Variants in XIRP2 observed in about 807,000 individuals in gnomAD.
XIRP2 encodes xin actin-binding repeat-containing protein 2.
Under a neutral mutation model 277.0 loss-of-function variants are expected in XIRP2, and 236 were observed. The observed-to-expected ratio is 0.85, with a 90% confidence interval of 0.77 to 0.95. The LOEUF is 0.95. XIRP2 is among the 40% of genes least tolerant of loss of function. The probability of loss-of-function intolerance (pLI) is 0.00; values close to 1 mark genes in which losing one functional copy is unlikely to be tolerated. For missense variants in XIRP2, 4,640 were observed against 4,157.5 expected, an observed-to-expected ratio of 1.12 and a Z score of -3.19; for synonymous variants, 1,490 against 1,416.5, an observed-to-expected ratio of 1.05 and a Z score of -1.17.
intron 2 of XIRP2, among the ~76,000 whole-genome samples, chr2:167,094,547 T>C (rs2105278969): frequency 6.6e-6 from 1 of 152,350 alleles, no homozygotes; most frequent in Admixed American, 6.5e-5. Context: ...TAGCCAGTTT[T>C]CCCAACACCA....
At chr2:167,181,549 A>G (rs1048378348) in intron 3 of XIRP2, among the ~76,000 whole-genome samples, 3 of 151,958 alleles carry the variant, frequency 2.0e-5, no homozygotes, top group Non-Finnish European at 4.4e-5. Flanking sequence ...ATTTTAATTG[A>G]AGGTTGACAA....
chr2:167,077,988 G>A (rs1388693129), intron 2 of XIRP2, among the ~76,000 whole-genome samples: 4 of 152,214 alleles, frequency 2.6e-5, no homozygotes, highest in East Asian at 1.9e-4. Context: ...ATGAATTTTA[G>A]AATAGTTTGT....
At chr2:167,154,967 C>G (rs1255907990) in intron 3 of XIRP2, among the ~76,000 whole-genome samples, 1 of 151,698 alleles carries the variant, frequency 6.6e-6, no homozygotes, top group East Asian at 1.9e-4. Context: ...ACTACAAACA[C>G]CTCTACGCAA....
chr2:167,245,117 T>G lies in XIRP2; in HGVS notation c.3725T>G (p.Leu1242Arg). The change falls in exon 9 of 11, where the codon CTT (leucine) becomes CGT (arginine). Residue 1242 changes from leucine (L) to arginine (R), a missense_variant. Leu to Arg is a moderately radical substitution (Grantham distance 102, BLOSUM62 -2). Coordinates refer to ENST00000409195, the MANE Select transcript of XIRP2 (RefSeq NM_152381.6). The part of the protein sequence containing the change: ...QKGNVLNCRW[L>R]FENQPIDKIK... ...GGCAATGTTTTAAATTGTAGGTGGC[T>G]TTTTGAAAACCAACCAATTGATAAG... 1 of 1,610,516 alleles carries G rather than the reference T, an allele frequency of 6.2e-7. No individual in the cohort carries two copies. The highest frequency in any genetic ancestry group is 8.5e-7 in the Non-Finnish European group (1 of 1,179,014).
intron 2 of XIRP2, among the ~76,000 whole-genome samples, chr2:167,051,363 G>A (rs1688911046): frequency 6.6e-6 from 1 of 152,056 alleles, no homozygotes; most frequent in Admixed American, 6.6e-5. Flanking sequence ...TTTGCATTGT[G>A]CATGGTACAT....
chr2:167,231,670 T>C (rs1457071226), intron 5 of XIRP2, among the ~76,000 whole-genome samples: 1 of 151,902 alleles, frequency 6.6e-6, no homozygotes, highest in African/African-American at 2.4e-5. Flanking sequence ...CTCACTCTCC[T>C]AGCTTTCCTA....
At chr2:167,047,757 A>G (rs1231696492) in intron 2 of XIRP2, among the ~76,000 whole-genome samples, 4 of 151,928 alleles carry the variant, frequency 2.6e-5, no homozygotes, top group Admixed American at 6.6e-5. Flanking sequence ...CTTTATGGCT[A>G]TGCCAAGATG....
Position 167,242,932 on chromosome 2 carries a change from GA to G in XIRP2, c.1545del (p.Asp516IlefsTer14), listed in dbSNP as rs1387244831. ...HIHPELRKNL[E>X]KDYISEVSEI... is the part of the protein sequence containing the mutation. ...CCATCCTGAGTTAAGAAAAAACTTAGAAAAAGATTATATCAGTGAAGTTTCT... is the reference window on the plus strand; with the variant it reads ...CCATCCTGAGTTAAGAAAAAACTTAGAAAAGATTATATCAGTGAAGTTTCT... On this transcript the variant is annotated frameshift_variant, in exon 9 of 11. Coordinates refer to ENST00000409195, the MANE Select transcript of XIRP2 (RefSeq NM_152381.6). LOFTEE classifies it high-confidence loss of function. The G allele has an allele frequency of 6.2e-7, 1 of 1,613,300 alleles. No homozygotes were observed.
intron 2 of XIRP2, among the ~76,000 whole-genome samples, chr2:167,083,464 T>A (rs1689810952): frequency 6.6e-6 from 1 of 152,242 alleles, no homozygotes; most frequent in Non-Finnish European, 1.5e-5. Context: ...ATAGTAGTTT[T>A]TTCCAATTCT....
chr2:167,044,394 T>C (rs1688737610), intron 2 of XIRP2, among the ~76,000 whole-genome samples: 1 of 151,950 alleles, frequency 6.6e-6, no homozygotes, highest in Non-Finnish European at 1.5e-5. Context: ...ACCGCTCCTA[T>C]TAAACATAGC....
chr2:167,243,588 T>C lies in XIRP2; in HGVS notation c.2196T>C (p.Ser732=), dbSNP rs113428758. Reference sequence around the variant, plus strand: ...AAATTAAGGGAAATGTTAAAAGAAGTATAAAATGTTTCGAAACTCAACCAT... The same window carrying C: ...AAATTAAGGGAAATGTTAAAAGAAGCATAAAATGTTTCGAAACTCAACCAT... ...LKEIKGNVKR[S]IKCFETQPLY... The change falls in exon 9 of 11, where the codon AGT becomes AGC. Residue 732 remains serine, a synonymous_variant. Transcript: ENST00000409195. 3.3e-5 allele frequency: 53 copies of C among 1,614,028 alleles called. 1 individual carries two copies. The African/African-American group carries it at 4.4e-4, about 13-fold the overall frequency.
intron 3 of XIRP2, among the ~76,000 whole-genome samples, chr2:167,200,213 A>G (rs1693639766): frequency 1.3e-5 from 2 of 152,200 alleles, no homozygotes; most frequent in Non-Finnish European, 2.9e-5. Context: ...AATGAAGGAT[A>G]CAGTTTCCTT....
chr2:167,231,376 T>C (rs1318250852), intron 5 of XIRP2, among the ~76,000 whole-genome samples: 1 of 152,014 alleles, frequency 6.6e-6, no homozygotes, highest in Admixed American at 6.6e-5. Context: ...TAACGTCTCA[T>C]GGAACATACG....
chr2:167,150,446 T>C (rs1691984344), intron 3 of XIRP2, among the ~76,000 whole-genome samples: 1 of 151,732 alleles, frequency 6.6e-6, no homozygotes, highest in African/African-American at 2.4e-5. Flanking sequence ...TTATCAATGA[T>C]GGAGGATATT....
rs912368260 is a variant in XIRP2, at chr2:167,249,336, T to C, written c.7944T>C (p.Ala2648=). The change falls in exon 9 of 11, where the codon GCT becomes GCC. Residue 2648 remains alanine, a synonymous_variant. Coordinates refer to ENST00000409195, the MANE Select transcript of XIRP2 (RefSeq NM_152381.6). The part of the protein sequence containing the change: ...AAKRLHHVLA[A]SEDKDKMKKE... The stretch of plus-strand genomic sequence containing the variant: ...AGAGGCTCCACCATGTTTTAGCAGC[T>C]TCAGAAGACAAAGATAAGATGAAAA... The C allele has an allele frequency of 3.1e-6, 5 of 1,613,748 alleles. No individual in the cohort carries two copies. Among genetic ancestry groups the C allele is most frequent in the East Asian group, 4.5e-5 (2 of 44,844 alleles).
intron 2 of XIRP2, among the ~76,000 whole-genome samples, chr2:167,022,274 G>C (rs957841477): frequency 1.8e-4 from 27 of 151,980 alleles, no homozygotes; most frequent in Non-Finnish European, 1.0e-4. Flanking sequence ...TTTTTATGTA[G>C]AATGAGTAAT....
chr2:167,021,277 T>G (rs1232967229), intron 2 of XIRP2, among the ~76,000 whole-genome samples: 1 of 152,130 alleles, frequency 6.6e-6, no homozygotes, highest in Non-Finnish European at 1.5e-5. Flanking sequence ...TATTCTTTAT[T>G]GCTCTATTTG....
intron 3 of XIRP2, among the ~76,000 whole-genome samples, chr2:167,136,463 A>G (rs970706877): frequency 6.6e-6 from 1 of 152,198 alleles, no homozygotes; most frequent in Non-Finnish European, 1.5e-5. Flanking sequence ...AAAAATAAAT[A>G]AGATGCCTTA....
chr2:166,986,975 G>T (rs185956884), intron 2 of XIRP2, among the ~76,000 whole-genome samples: 408 of 152,126 alleles, frequency 2.7e-3, no homozygotes, highest in Non-Finnish European at 4.5e-3. Flanking sequence ...TCACTTTATT[G>T]TCAGGCATAG....
Sources: allele counts gnomAD v4.1 joint callset (sites outside exome capture counted in the v4.1 genomes callset), GRCh38; gene constraint gnomAD v4.1.1; transcripts MANE v1.5; gene names NCBI Gene and HGNC (gene_info 2026-07-23, HGNC 2026-07-21).